MYH9: variants seen among roughly 807,000 people sequenced by gnomAD.
The protein encoded by MYH9 is myosin-9.
MYH9 carries 29 observed loss-of-function variants against 241.9 expected under a neutral mutation model. The observed-to-expected ratio is 0.12, with a 90% CI of 0.09 to 0.16. MYH9 has a LOEUF of 0.16. Ranked by LOEUF, MYH9 falls within the 10% of genes least tolerant of loss-of-function variation. The pLI, the probability that MYH9 is intolerant of heterozygous loss-of-function variation, is 1.00. For missense variants in MYH9, 1,803 were observed against 2,595.5 expected (o/e 0.69, Z 6.63); for synonymous variants, 1,047 against 1,062.6 (o/e 0.99, Z 0.29).
At position 36,312,293 on chromosome 22, in the gene MYH9, A is replaced by G. The variant is rs2157257; in HGVS notation, c.1555-71T>C. On this transcript the variant is annotated intron_variant, in intron 13 of 40. Coordinates refer to ENST00000216181, the MANE Select transcript of MYH9 (RefSeq NM_002473.6). ...GGCACCCCACCCTTCAAGAAGCCAA[A>G]GCCCGGACATCAGAATCCCCTGAAT... The G allele has an allele frequency of 0.62, 953,153 of 1,537,632 alleles. 309,404 individuals are homozygous for G. The highest frequency in any genetic ancestry group is 0.68 in the Non-Finnish European group (762,930 of 1,121,932).
At chr22:36,366,183 A>T (rs1415281442) in intron 1 of MYH9, among the ~76,000 whole-genome samples, 1 of 152,038 alleles carries the variant, frequency 6.6e-6, no homozygotes, top group Non-Finnish European at 1.5e-5. Context: ...GCGAGACTCC[A>T]TCTCAAAAAT....
intron 1 of MYH9, among the ~76,000 whole-genome samples, chr22:36,374,202 G>A (rs893652426): frequency 6.6e-6 from 1 of 151,952 alleles, no homozygotes; most frequent in Non-Finnish European, 1.5e-5. Context: ...AGCCAACATG[G>A]CAAAACCCCA....
chr22:36,318,057 C>A, intron 11 of MYH9, 150 bp downstream of exon 11: 2 of 774,316 alleles, frequency 2.6e-6, no homozygotes, highest in Non-Finnish European at 2.3e-6. Flanking sequence ...TATGCCACCT[C>A]TCTCCGGGTT....
intron 3 of MYH9, among the ~76,000 whole-genome samples, chr22:36,334,104 A>G (rs924282911): frequency 4.6e-5 from 7 of 152,062 alleles, no homozygotes; most frequent in African/African-American, 1.7e-4. Flanking sequence ...AAAAAAAAAA[A>G]GTAAGCCTAA....
At chr22:36,359,714 T>C (rs1261921971) in intron 1 of MYH9, among the ~76,000 whole-genome samples, 5 of 152,220 alleles carry the variant, frequency 3.3e-5, no homozygotes, top group Non-Finnish European at 5.9e-5. Flanking sequence ...TTGGCTGGCA[T>C]GGCCTCTGCT....
Position 36,306,390 on chromosome 22 carries a change from G to A in MYH9, c.2037+24C>T. On this transcript the variant is annotated intron_variant, in intron 16 of 40. Coordinates refer to ENST00000216181, the MANE Select transcript of MYH9 (RefSeq NM_002473.6). The surrounding 1 kb of genome is among the most constrained non-coding windows in gnomAD (Gnocchi z 4.1). ...ACCCCACACCACAGTGCCCTGCCCGGGCCACCCCACCAGGCAGCCGCACCT... is the reference window on the plus strand; with the variant it reads ...ACCCCACACCACAGTGCCCTGCCCGAGCCACCCCACCAGGCAGCCGCACCT... 6.2e-7 allele frequency: 1 copy of A among 1,613,818 alleles called. No homozygotes were observed. Among genetic ancestry groups the A allele is most frequent in the Non-Finnish European group, 8.5e-7 (1 of 1,179,948 alleles).
intron 31 of MYH9, among the ~76,000 whole-genome samples, chr22:36,291,421 G>A (rs1215567380): frequency 6.6e-6 from 1 of 151,746 alleles, no homozygotes; most frequent in Non-Finnish European, 1.5e-5. Flanking sequence ...TGTCCACTCA[G>A]GGTTAAATGG....
chr22:36,338,482 C>T (rs968620312), intron 3 of MYH9, among the ~76,000 whole-genome samples: 8 of 152,134 alleles, frequency 5.3e-5, no homozygotes, highest in South Asian at 2.1e-4. Context: ...ACAAGTTTCC[C>T]GTGCTCACAA....
chr22:36,319,846 G>A, intron 9 of MYH9: 1 of 653,790 alleles, frequency 1.5e-6, no homozygotes. Flanking sequence ...GGCCGACATG[G>A]CCTGTCCGCA....
intron 40 of MYH9, among the ~76,000 whole-genome samples, chr22:36,283,017 C>T (rs1033811978): frequency 6.6e-5 from 10 of 152,196 alleles, no homozygotes; most frequent in African/African-American, 2.2e-4. Flanking sequence ...CATCTTCACA[C>T]ACAACAGTAG....
Position 36,295,429 on chromosome 22 carries a change from C to T in MYH9, c.3485+76G>A. 8.4e-7 allele frequency: 1 copy of T among 1,188,664 alleles called. No homozygotes were observed. Among genetic ancestry groups the T allele is most frequent in the Admixed American group, 1.9e-5 (1 of 53,958 alleles). 73.6% of individuals were successfully genotyped at this position (1,188,664 alleles called of 1,614,324 possible). ...GTGTGTGTGTGTGTGTGTGCAGAGG[C>T]CCGGGGTCCATGTCTCCAAGCCAAG... On this transcript the variant is annotated intron_variant, in intron 26 of 40. Coordinates refer to ENST00000216181, the MANE Select transcript of MYH9 (RefSeq NM_002473.6). The surrounding 1 kb of genome is among the most constrained non-coding windows in gnomAD (Gnocchi z 4.1).
rs948229553 is a variant in MYH9, at chr22:36,301,449, C to G, written c.2631+85G>C. 5.7e-6 allele frequency: 9 copies of G among 1,577,934 alleles called. No homozygotes were observed. The East Asian group carries it at 2.0e-4, about 35-fold the overall frequency. On this transcript the variant is annotated intron_variant, in intron 21 of 40. Coordinates refer to ENST00000216181, the MANE Select transcript of MYH9 (RefSeq NM_002473.6). ...AAAACTCCTATAGTAATAGAAACTT[C>G]CAGCATGCCGTGCCTACCGATGGCC... is the stretch of plus-strand genomic sequence containing the variant.
Position 36,319,890 on chromosome 22 carries a change from C to T in MYH9, c.1013-255G>A. The T allele has an allele frequency of 4.9e-6, 3 of 616,550 alleles. No individual in the cohort carries two copies. In the South Asian group the frequency reaches 5.6e-5, roughly 12 times the overall value. 38.2% of individuals were successfully genotyped at this position (616,550 alleles called of 1,614,324 possible). On this transcript the variant is annotated intron_variant, in intron 9 of 40. Transcript: ENST00000216181. ...CATGCTGGGCTTCACCAGCACAAAGCACCCATCTATCCCCAGCTTCTTCCA... is the reference window on the plus strand; with the variant it reads ...CATGCTGGGCTTCACCAGCACAAAGTACCCATCTATCCCCAGCTTCTTCCA...
chr22:36,380,552 C>A (rs2018241425), intron 1 of MYH9, among the ~76,000 whole-genome samples: 1 of 152,064 alleles, frequency 6.6e-6, no homozygotes, highest in African/African-American at 2.4e-5. Context: ...ACCAGCCTGG[C>A]CAACATGGTG....
intron 30 of MYH9, 34 bp from the exon 31 acceptor site, chr22:36,292,268 G>A (rs2016718566): frequency 6.2e-7 from 1 of 1,612,314 alleles, no homozygotes; most frequent in Non-Finnish European, 8.5e-7. Context: ...AGATGCCCGA[G>A]ATGGCACCTG....
intron 11 of MYH9, among the ~76,000 whole-genome samples, chr22:36,317,029 G>A (rs140558984): frequency 0.025 from 3,608 of 141,750 alleles, 137 homozygotes; most frequent in East Asian, 0.069. Flanking sequence ...AGCAGTCTAC[G>A]GCCATACCAC....
intron 34 of MYH9, 38 bp from the exon 35 acceptor site, chr22:36,286,884 C>T (rs1331624147): frequency 6.2e-7 from 1 of 1,601,200 alleles, no homozygotes; most frequent in East Asian, 2.2e-5. Context: ...CCACCCAGCT[C>T]CTTGGCCCTC....
At chr22:36,318,070 T>C in intron 11 of MYH9, 137 bp downstream of exon 11, 1 of 803,114 alleles carries the variant, frequency 1.2e-6, no homozygotes, top group Non-Finnish European at 2.2e-6. Flanking sequence ...TCCGGGTTGC[T>C]GTGAGGACTG....
chr22:36,350,402 T>G (rs978368277), intron 1 of MYH9, among the ~76,000 whole-genome samples: 6 of 152,284 alleles, frequency 3.9e-5, no homozygotes, highest in African/African-American at 1.4e-4. Context: ...CAGGGCGTGG[T>G]GGCGCATGCC....
Sources: allele counts gnomAD v4.1 joint callset (sites outside exome capture counted in the v4.1 genomes callset), GRCh38; gene constraint gnomAD v4.1.1; non-coding constraint Gnocchi (gnomAD v3.1); transcripts MANE v1.5; gene names NCBI Gene and HGNC (gene_info 2026-07-23, HGNC 2026-07-21).